CACNA1H: variants seen among roughly 807,000 people sequenced by gnomAD.
CACNA1H encodes the protein calcium voltage-gated channel subunit alpha1 H, also known as voltage-dependent T-type calcium channel subunit alpha-1H.
A neutral mutation model predicts 192.5 loss-of-function variants in CACNA1H; 149 were observed. That is an observed-to-expected ratio of 0.77 (90% CI 0.68 to 0.89). The LOEUF (loss-of-function observed/expected upper bound fraction) is 0.89, where lower values mean the gene tolerates loss of function less well. CACNA1H is among the 40% of genes least tolerant of loss of function. The probability of loss-of-function intolerance (pLI) is 0.00; values close to 1 mark genes in which losing one functional copy is unlikely to be tolerated. For synonymous variants in CACNA1H, 2,202 were observed against 1,475.2 expected (o/e 1.49, Z -11.29); for missense variants, 4,257 against 3,423.5 (o/e 1.24, Z -6.08).
chr16:1,195,850 C>G, intron 4 of CACNA1H, 76 bp from the exon 5 acceptor site: 1 of 1,172,916 alleles, frequency 8.5e-7, no homozygotes, highest in Non-Finnish European at 1.3e-6. Flanking sequence ...GCCTGCCCAC[C>G]CTACTTTGCA....
rs111594589 is a variant in CACNA1H at position 1,209,726 on chromosome 16, C to T, written c.3745-309C>T. The stretch of plus-strand genomic sequence containing the variant: ...TGCTGCCGAGGCAGGGCCAGGCATC[C>T]GCTAGGCTCTCAGGCTTCCGTGGGT... On this transcript the variant is annotated intron_variant, in intron 17 of 34. Coordinates refer to ENST00000348261, the MANE Select transcript of CACNA1H (RefSeq NM_021098.3). Among the ~76,000 whole-genome samples, 18 of 152,282 alleles carry T rather than the reference C, an allele frequency of 1.2e-4. 1 individual carries two copies. Among genetic ancestry groups the T allele is most frequent in the African/African-American group, 3.6e-4 (15 of 41,544 alleles).
Position 1,201,679 on chromosome 16 carries a change from T to C in CACNA1H, c.1229T>C (p.Met410Thr). The part of the protein sequence containing the change: ...ILLIIVGSFF[M>T]INLCLVVIAT... ...CCGTCACAGGTGGGCTCCTTCTTCATGATCAACCTGTGCCTGGTGGTGATT... is the reference window on the plus strand; with the variant it reads ...CCGTCACAGGTGGGCTCCTTCTTCACGATCAACCTGTGCCTGGTGGTGATT... The change falls in exon 9 of 35, where the codon ATG (methionine) becomes ACG (threonine). Residue 410 changes from methionine (M) to threonine (T), a missense_variant. Met to Thr is a moderately conservative substitution (Grantham distance 81). Coordinates refer to ENST00000348261, the MANE Select transcript of CACNA1H (RefSeq NM_021098.3). 1.9e-6 allele frequency: 3 copies of C among 1,601,372 alleles called. No individual in the cohort carries two copies. The highest frequency in any genetic ancestry group is 1.1e-5 in the South Asian group (1 of 90,078).
At chr16:1,191,894 T>C (rs1403452089) in intron 2 of CACNA1H, among the ~76,000 whole-genome samples, 1 of 151,944 alleles carries the variant, frequency 6.6e-6, no homozygotes, top group Non-Finnish European at 1.5e-5. Context: ...CTGGCCTGGC[T>C]GTGTGACCTC....
chr16:1,208,496 A>T (rs956781046), intron 16 of CACNA1H, among the ~76,000 whole-genome samples: 2 of 152,200 alleles, frequency 1.3e-5, no homozygotes, highest in Non-Finnish European at 2.9e-5. Flanking sequence ...CGAAGCAAGC[A>T]GGGGCAGAAG....
intron 2 of CACNA1H, among the ~76,000 whole-genome samples, chr16:1,162,018 C>G (rs949329945): frequency 6.6e-6 from 1 of 152,156 alleles, no homozygotes; most frequent in Non-Finnish European, 1.5e-5. Flanking sequence ...CACTGAGGTC[C>G]CTGCTCCGGA....
chr16:1,194,662 C>G (rs941873972), intron 2 of CACNA1H, among the ~76,000 whole-genome samples: 1 of 152,222 alleles, frequency 6.6e-6, no homozygotes, highest in Non-Finnish European at 1.5e-5. Flanking sequence ...TCACTGGGGC[C>G]TCACTACCGA....
rs147034050 is a variant in CACNA1H at position 1,180,729 on chromosome 16, C to T, written c.300-14243C>T. On this transcript the variant is annotated intron_variant, in intron 2 of 34. Coordinates refer to ENST00000348261, the MANE Select transcript of CACNA1H (RefSeq NM_021098.3). The surrounding 1 kb of genome is among the most constrained non-coding windows in gnomAD (Gnocchi z 4.4). ...ACTGGGGAGAGTGCAGGGTGTGCAG[C>T]GGGGGCTGGGATGCCGCCGAATAGG... 4.8e-4 allele frequency among the ~76,000 whole-genome samples: 73 copies of T among 152,156 alleles called. No homozygotes were observed. In the Middle Eastern group the frequency reaches 0.01, roughly 21 times the overall value.
Position 1,153,771 on chromosome 16 carries a change from C to G in CACNA1H, c.34C>G (p.Arg12Gly). The change falls in exon 2 of 35, where the codon CGG becomes GGG. Residue 12 changes from arginine (R) to glycine (G), a missense_variant. Arg to Gly is a moderately radical substitution (Grantham distance 125). Transcript: ENST00000348261. ...TEGARAADEV[R>G]VPLGAPPPGP... ...GGGCGCACGGGCCGCCGACGAGGTCCGGGTGCCCCTGGGCGCGCCGCCCCC... is the reference window on the plus strand; with the variant it reads ...GGGCGCACGGGCCGCCGACGAGGTCGGGGTGCCCCTGGGCGCGCCGCCCCC... 1 of 1,221,186 alleles carries G rather than the reference C, an allele frequency of 8.2e-7. No homozygotes were observed. Among genetic ancestry groups the G allele is most frequent in the Non-Finnish European group, 1.0e-6 (1 of 981,084 alleles). The allele number at this position is 1,221,186 out of a possible 1,614,324, so 75.6% of individuals were successfully genotyped here.
intron 26 of CACNA1H, 138 bp downstream of exon 26, chr16:1,212,666 G>A: frequency 1.9e-6 from 2 of 1,039,950 alleles, no homozygotes; most frequent in Non-Finnish European, 2.8e-6. Flanking sequence ...GGCGTGAGGA[G>A]GGGCTGCGCT....
chr16:1,154,148 T>A, intron 2 of CACNA1H, 112 bp downstream of exon 2: 1 of 784,804 alleles, frequency 1.3e-6, no homozygotes, highest in Non-Finnish European at 1.7e-6. Flanking sequence ...TGGTGGGACC[T>A]GGCGTGGGCC....
At chr16:1,189,200 G>C (rs1375718004) in intron 2 of CACNA1H, among the ~76,000 whole-genome samples, 1 of 151,548 alleles carries the variant, frequency 6.6e-6, no homozygotes, top group African/African-American at 2.4e-5. Context: ...TGAGGAGCTG[G>C]TGTCCCTGAA....
intron 2 of CACNA1H, chr16:1,160,283 G>A (rs1963019017): frequency 6.6e-6 from 1 of 152,188 alleles, no homozygotes; most frequent in Admixed American, 6.5e-5. Context: ...GCTCATGTTG[G>A]CGTAACTTGG....
chr16:1,211,792 G>C lies in CACNA1H; in HGVS notation c.4553G>C (p.Gly1518Ala), dbSNP rs1241538804. The C allele has an allele frequency of 2.5e-6, 4 of 1,612,474 alleles. No individual in the cohort carries two copies. Among genetic ancestry groups the C allele is most frequent in the Middle Eastern group, 3.3e-4 (2 of 6,084 alleles). ...NIMYDGLDAVGVDQQPVQNHN... is the reference protein window; with the variant it reads ...NIMYDGLDAVAVDQQPVQNHN... ...ATGTACGACGGGCTGGATGCCGTGG[G>C]TGTCGACCAGCAGGTGCGCACAGGC... The change falls in exon 24 of 35, where the codon GGT (glycine) becomes GCT (alanine). Residue 1518 changes from glycine (G) to alanine (A), a missense_variant. Physicochemically the swap from Gly to Ala is moderately conservative, Grantham distance 60. Transcript: ENST00000348261.
intron 2 of CACNA1H, 96 bp from the exon 3 acceptor site, chr16:1,194,876 C>T (rs972432162): frequency 1.2e-5 from 11 of 888,558 alleles, no homozygotes; most frequent in Non-Finnish European, 1.7e-5. Flanking sequence ...CGCGCACACC[C>T]GTGGCGGGGC....
intron 6 of CACNA1H, among the ~76,000 whole-genome samples, chr16:1,199,856 C>A (rs149467182): frequency 6.6e-6 from 1 of 152,118 alleles, no homozygotes; most frequent in East Asian, 1.9e-4. Context: ...TTGCCCTTTG[C>A]CCCTCATCCG....
intron 2 of CACNA1H, among the ~76,000 whole-genome samples, chr16:1,185,622 G>GTGTGTA (rs1965933867): frequency 6.7e-6 from 1 of 148,338 alleles, no homozygotes; most frequent in African/African-American, 2.6e-5. Flanking sequence ...CGGAGGCGGG[G>GTGTGTA]TACGTGGGGG....
In CACNA1H at chr16:1,212,142, A is replaced by G. The variant is rs1567543703; in HGVS notation, c.4759+4A>G. 6.2e-7 allele frequency: 1 copy of G among 1,601,624 alleles called. No individual in the cohort carries two copies. The highest frequency in any genetic ancestry group is 8.5e-7 in the Non-Finnish European group (1 of 1,178,224). On this transcript the variant is annotated splice_donor_region_variant and intron_variant, in intron 25 of 34. Transcript: ENST00000348261. ...CGCCTAGAGAGGAGGCGCAGGAGTA[A>G]GGCGCTCCCGGTGGCGGTGGCGGTG... is the stretch of plus-strand genomic sequence containing the variant.
At position 1,220,307 on chromosome 16, in the gene CACNA1H, G is replaced by C. The variant is rs964390335; in HGVS notation, c.6375G>C (p.Val2125=). 1 of 1,563,694 alleles carries C rather than the reference G, an allele frequency of 6.4e-7. No individual in the cohort carries two copies. The highest frequency in any genetic ancestry group is 1.4e-5 in the African/African-American group (1 of 71,370). Residue 2125 remains valine, a synonymous_variant, in exon 35 of 35, where the codon GTG becomes GTC. Coordinates refer to ENST00000348261, the MANE Select transcript of CACNA1H (RefSeq NM_021098.3). ...AEPHGPEASP[V]AGGERDLRRL... ...CCCATGGCCCCGAAGCCTCTCCGGT[G>C]GCCGGCGGCGAGCGGGACCTGCGCA...
chr16:1,209,536 G>A, intron 17 of CACNA1H, 124 bp downstream of exon 17: 1 of 1,228,042 alleles, frequency 8.1e-7, no homozygotes. Context: ...GAAGGGGAGA[G>A]AAGCAGGCCA....
Sources: allele counts gnomAD v4.1 joint callset (sites outside exome capture counted in the v4.1 genomes callset), GRCh38; gene constraint gnomAD v4.1.1; non-coding constraint Gnocchi (gnomAD v3.1); transcripts MANE v1.5; gene names NCBI Gene and HGNC (gene_info 2026-07-23, HGNC 2026-07-21).